Variants in RAP1GAP2 observed in about 807,000 individuals in gnomAD.
RAP1GAP2 encodes RAP1 GTPase activating protein 2, also known as rap1 GTPase-activating protein 2.
In RAP1GAP2, 27 loss-of-function variants were observed where a neutral mutation model predicts 95.0. That is an observed-to-expected ratio of 0.28 (90% CI 0.21 to 0.39). RAP1GAP2 has a LOEUF of 0.39. Among genes scored for constraint, RAP1GAP2 ranks in the 10% least tolerant of loss-of-function variants. The pLI is 1.00. For missense variants in RAP1GAP2, 771 were observed against 970.0 expected, an observed-to-expected ratio of 0.79 and a Z score of 2.72; for synonymous variants, 373 against 380.9, an observed-to-expected ratio of 0.98 and a Z score of 0.24.
At chr17:2,782,573 C>A in intron 1 of RAP1GAP2, among the ~76,000 whole-genome samples, 1 of 152,152 alleles carries the variant, frequency 6.6e-6, no homozygotes, top group East Asian at 1.9e-4. Flanking sequence ...GGGCCTTGGC[C>A]TTAGCATAAT....
chr17:2,988,164 C>G (rs539367871), intron 11 of RAP1GAP2, among the ~76,000 whole-genome samples: 1 of 151,064 alleles, frequency 6.6e-6, no homozygotes, highest in African/African-American at 2.4e-5. Flanking sequence ...GAGCCGAGAT[C>G]GTGCCATTGC....
At chr17:2,872,498 T>C (rs1233939802) in intron 2 of RAP1GAP2, among the ~76,000 whole-genome samples, 1 of 151,988 alleles carries the variant, frequency 6.6e-6, no homozygotes, top group Non-Finnish European at 1.5e-5. Context: ...TGGTATTGGC[T>C]GCTGCTAGGA....
chr17:2,845,094 T>C (rs1465480268), intron 2 of RAP1GAP2, among the ~76,000 whole-genome samples: 2 of 152,194 alleles, frequency 1.3e-5, no homozygotes, highest in South Asian at 2.1e-4. Flanking sequence ...TGGCACTGAC[T>C]ACATAAGTTC....
rs1235718690 is a variant in RAP1GAP2, at chr17:2,797,467, C to CA, written c.44+897dup. Among the ~76,000 whole-genome samples the CA allele has an allele frequency of 1.3e-5, 2 of 151,762 alleles. No homozygotes were observed. The highest frequency in any genetic ancestry group is 2.9e-5 in the Non-Finnish European group (2 of 67,968). On this transcript the variant is annotated intron_variant, in intron 1 of 24. Transcript: ENST00000254695. This position sits in a 1 kb window ranked among gnomAD's most constrained non-coding sequence, Gnocchi z 5.6. ...TCAGTGCCTGGGCTGGGGGCGTTGT[C>CA]AGACTGGGAGAGGGCCCCGCGGGAG...
intron 17 of RAP1GAP2, among the ~76,000 whole-genome samples, chr17:3,012,415 C>A (rs1403475302): frequency 1.3e-5 from 2 of 151,650 alleles, no homozygotes; most frequent in Non-Finnish European, 2.9e-5. Context: ...GTCAGGAGTT[C>A]GAGACCAGCC....
upstream of RAP1GAP2, among the ~76,000 whole-genome samples, chr17:2,793,264 C>T (rs1022338384): frequency 6.6e-6 from 1 of 152,020 alleles, no homozygotes; most frequent in African/African-American, 2.4e-5. Flanking sequence ...AGCGATTCTC[C>T]TGTCTCAGCC....
At chr17:2,854,506 T>G (rs935120775) in intron 2 of RAP1GAP2, among the ~76,000 whole-genome samples, 2 of 152,204 alleles carry the variant, frequency 1.3e-5, no homozygotes, top group African/African-American at 2.4e-5. Flanking sequence ...GGTGCCTGCC[T>G]GGCCGAGATC....
intron 11 of RAP1GAP2, 91 bp downstream of exon 11, chr17:2,985,157 C>T: frequency 3.2e-6 from 5 of 1,566,656 alleles, no homozygotes; most frequent in South Asian, 1.2e-5. Flanking sequence ...GAGTCCTGAC[C>T]TGCGTTCTGA....
rs1306962341 is a variant in RAP1GAP2, at chr17:2,981,180, C to T, written c.676-15C>T. ...AGATATCATCCCTGACCTGCGTCTT[C>T]TTCTCCCTTCTCAGGCTTTCTGTGA... On this transcript the variant is annotated splice_polypyrimidine_tract_variant and intron_variant, in intron 9 of 24. Coordinates refer to ENST00000254695, the MANE Select transcript of RAP1GAP2 (RefSeq NM_015085.5). 1.2e-6 allele frequency: 2 copies of T among 1,610,862 alleles called. No individual in the cohort carries two copies. The highest frequency in any genetic ancestry group is 1.7e-5 in the Admixed American group (1 of 59,714).
intron 2 of RAP1GAP2, 72 bp from the exon 3 acceptor site, chr17:2,905,212 C>T: frequency 7.1e-7 from 1 of 1,403,192 alleles, no homozygotes; most frequent in Non-Finnish European, 1.0e-6. Context: ...TGTCCGAGAG[C>T]CCAGTCACTC....
At position 3,027,185 on chromosome 17, in the gene RAP1GAP2, C is replaced by A; in HGVS notation, c.2107+115C>A. On this transcript the variant is annotated intron_variant, in intron 22 of 24. Transcript: ENST00000254695. The surrounding 1 kb of genome is among the most constrained non-coding windows in gnomAD (Gnocchi z 5.2). ...GGCCAGTTTTCACCCCTCCTCCCAGCTGTGAGGCCCTCCGCTCTGTGCGCC... is the reference window on the plus strand; with the variant it reads ...GGCCAGTTTTCACCCCTCCTCCCAGATGTGAGGCCCTCCGCTCTGTGCGCC... The A allele has an allele frequency of 2.3e-6, 3 of 1,326,322 alleles. No individual in the cohort carries two copies. Among genetic ancestry groups the A allele is most frequent in the Non-Finnish European group, 3.0e-6 (3 of 988,836 alleles). The allele number at this position is 1,326,322 out of a possible 1,614,324, so 82.2% of individuals were successfully genotyped here.
Position 2,965,961 on chromosome 17 carries a change from G to A in RAP1GAP2, c.596+318G>A. 1 of 340,000 alleles carries A rather than the reference G, an allele frequency of 2.9e-6. No individual in the cohort carries two copies. Among genetic ancestry groups the A allele is most frequent in the South Asian group, 4.0e-5 (1 of 25,162 alleles). 21.1% of individuals were successfully genotyped at this position (340,000 alleles called of 1,614,324 possible). A position where few individuals can be genotyped will look rare whatever the true frequency, so the allele number is the denominator to read the frequency against. ...CGGGAAGAAAAGTAGGGATGGTTCA[G>A]TGTGACTCATCCTGCTGAGACACAG... On this transcript the variant is annotated intron_variant, in intron 8 of 24. Transcript: ENST00000254695. The surrounding 1 kb of genome is among the most constrained non-coding windows in gnomAD (Gnocchi z 4.7).
chr17:2,809,841 ATGGACAG>A (rs1232433624), intron 2 of RAP1GAP2, among the ~76,000 whole-genome samples: 1 of 152,108 alleles, frequency 6.6e-6, no homozygotes, highest in Non-Finnish European at 1.5e-5. Context: ...GAGGCTCTTG[ATGGACAG>A]GGGCCCAAGC....
chr17:2,979,787 C>T (rs2151533159), intron 8 of RAP1GAP2, among the ~76,000 whole-genome samples: 1 of 152,064 alleles, frequency 6.6e-6, no homozygotes, highest in South Asian at 2.1e-4. Context: ...TAAGTAGCCA[C>T]CTCCCCAGCA....
chr17:3,029,657 C>G lies in RAP1GAP2; in HGVS notation c.2108-1265C>G, dbSNP rs1362615143. 6.6e-6 allele frequency among the ~76,000 whole-genome samples: 1 copy of G among 152,076 alleles called. No homozygotes were observed. Among genetic ancestry groups the G allele is most frequent in the Non-Finnish European group, 1.5e-5 (1 of 68,002 alleles). On this transcript the variant is annotated intron_variant, in intron 22 of 24. Coordinates refer to ENST00000254695, the MANE Select transcript of RAP1GAP2 (RefSeq NM_015085.5). The surrounding 1 kb of genome is among the most constrained non-coding windows in gnomAD (Gnocchi z 4.4). Reference sequence around the variant, plus strand: ...TAGCCCTGGGTGGAACTCCTCGATTCGAAGCACCACGAACCAGCCAGCAGC... The same window carrying G: ...TAGCCCTGGGTGGAACTCCTCGATTGGAAGCACCACGAACCAGCCAGCAGC...
intron 10 of RAP1GAP2, among the ~76,000 whole-genome samples, chr17:2,982,147 ACT>A (rs1035762047): frequency 3.3e-5 from 5 of 151,046 alleles, no homozygotes; most frequent in African/African-American, 9.7e-5. Context: ...TGGAACAAAC[ACT>A]CTTTTTTTGA....
intron 3 of RAP1GAP2, among the ~76,000 whole-genome samples, chr17:2,944,021 C>T (rs1444744222): frequency 1.3e-5 from 2 of 152,076 alleles, no homozygotes; most frequent in Non-Finnish European, 2.9e-5. Context: ...GTGGTGTCCG[C>T]CCCTGTAATC....
chr17:2,808,123 G>T (rs937448965), intron 2 of RAP1GAP2, among the ~76,000 whole-genome samples: 3 of 152,048 alleles, frequency 2.0e-5, no homozygotes, highest in African/African-American at 7.2e-5. Context: ...AAATCCCGTT[G>T]TTCTCACCCT....
intron 2 of RAP1GAP2, among the ~76,000 whole-genome samples, chr17:2,859,220 C>T (rs959878736): frequency 4.7e-5 from 7 of 149,986 alleles, no homozygotes; most frequent in Non-Finnish European, 7.4e-5. Context: ...AAGCCATTCT[C>T]GGGCCTCAAC....
Sources: gnomAD v4.1 joint callset for allele counts (sites outside exome capture counted in the v4.1 genomes callset) on GRCh38, gnomAD v4.1.1 for gene constraint, Gnocchi (gnomAD v3.1) non-coding constraint, MANE v1.5 for transcripts, NCBI Gene and HGNC (gene_info 2026-07-23, HGNC 2026-07-21) for gene names.